ERAP2: variants seen among roughly 807,000 people sequenced by gnomAD.
ERAP2 encodes the protein endoplasmic reticulum aminopeptidase 2.
ERAP2 carries 118 observed loss-of-function variants against 111.1 expected under a neutral mutation model. The observed-to-expected ratio is 1.06, with a 90% CI of 0.92 to 1.24. The LOEUF (loss-of-function observed/expected upper bound fraction) is 1.24. ERAP2 is among the 50% of genes most tolerant of loss of function. The pLI is 0.00. For synonymous variants in ERAP2, 410 were observed against 401.2 expected, an observed-to-expected ratio of 1.02 and a Z score of -0.26; for missense variants, 1,131 against 1,125.8, an observed-to-expected ratio of 1.00 and a Z score of -0.07.
At chr5:96,905,787 G>GGCA (rs1392735817) in intron 13 of ERAP2, among the ~76,000 whole-genome samples, 1 of 152,114 alleles carries the variant, frequency 6.6e-6, no homozygotes, top group Non-Finnish European at 1.5e-5. Context: ...GGGTGGCTGA[G>GGCA]GCACATGAAT....
Position 96,901,508 on chromosome 5 carries a change from C to G in ERAP2, c.1575C>G (p.Leu525=), listed in dbSNP as rs148654710. The change falls in exon 11 of 19, where the codon CTC becomes CTG. Residue 525 remains leucine (L), a splice_region_variant and synonymous_variant. Transcript: ENST00000437043. ...HSDPKMTSNM[L]AFLGENAEVK... The stretch of plus-strand genomic sequence containing the variant: ...ATCATAGTCACCTGTCATTTCAGCT[C>G]GCCTTTCTGGGGGAAAATGCAGAGG... 1 of 1,612,878 alleles carries G rather than the reference C, an allele frequency of 6.2e-7. No homozygotes were observed. The highest frequency in any genetic ancestry group is 1.1e-5 in the South Asian group (1 of 90,920).
At chr5:96,887,141 T>C in intron 4 of ERAP2, among the ~76,000 whole-genome samples, 1 of 149,006 alleles carries the variant, frequency 6.7e-6, no homozygotes, top group East Asian at 2.0e-4. Flanking sequence ...ATATATACCC[T>C]TTGCAAAATA....
chr5:96,902,910 A>G (rs79488773), intron 12 of ERAP2: 5,923 of 154,814 alleles, frequency 0.038, 192 homozygotes, highest in Middle Eastern at 0.11. Flanking sequence ...ATTTTCTTCT[A>G]AACACTTTAA....
Position 96,883,800 on chromosome 5 carries a change from C to A in ERAP2, c.584C>A (p.Ala195Glu). Reference protein sequence around the residue: ...RTLGGETRILAVTDFEPTQAR... With the variant: ...RTLGGETRILEVTDFEPTQAR... ...GGTGGGTCTTTTCACAGAATTCTTG[C>A]AGTAACAGATTTTGAGCCAACCCAG... is the stretch of plus-strand genomic sequence containing the variant. The change falls in exon 3 of 19, where the codon GCA becomes GAA. Residue 195 changes from alanine (A) to glutamate (E), a missense_variant. Physicochemically the swap from Ala to Glu is moderately radical, Grantham distance 107. Transcript: ENST00000437043. 5 of 1,610,186 alleles carry A rather than the reference C, an allele frequency of 3.1e-6. No individual in the cohort carries two copies. The highest frequency in any genetic ancestry group is 3.4e-6 in the Non-Finnish European group (4 of 1,178,838).
intron 9 of ERAP2, among the ~76,000 whole-genome samples, 195 bp downstream of exon 9, chr5:96,897,058 C>T (rs1425444926): frequency 1.1e-5 from 1 of 93,768 alleles, no homozygotes; most frequent in Non-Finnish European, 2.4e-5. Context: ...GGGGTGGCCC[C>T]AGGGGCTCAC....
Position 96,886,115 on chromosome 5 carries a change from C to G in ERAP2, c.715-540C>G, listed in dbSNP as rs1043824875. On this transcript the variant is annotated intron_variant, in intron 3 of 18. Coordinates refer to ENST00000437043, the MANE Select transcript of ERAP2 (RefSeq NM_022350.5). ...TACCGTGGAACTAGCCATGTGATCT[C>G]CAACAATTCTGTGAACATTTCAGAG... Among the ~76,000 whole-genome samples, 7 of 152,212 alleles carry G rather than the reference C, an allele frequency of 4.6e-5. 1 individual carries two copies. Among genetic ancestry groups the G allele is most frequent in the Admixed American group, 3.9e-4 (6 of 15,274 alleles).
At chr5:96,884,555 TTTTG>T (rs60074846) in intron 3 of ERAP2, among the ~76,000 whole-genome samples, 1 of 151,156 alleles carries the variant, frequency 6.6e-6, no homozygotes, top group Non-Finnish European at 1.5e-5. Flanking sequence ...TATACAAGTT[TTTTG>T]TTTGTTTGTT....
Position 96,889,225 on chromosome 5 carries a change from A to T in ERAP2, c.890A>T (p.His297Leu). Residue 297 changes from histidine to leucine, a missense_variant, in exon 5 of 19, where the codon CAT (histidine) becomes CTT (leucine). His to Leu is a moderately conservative substitution (Grantham distance 99). This residue lies in a region of ERAP2 where 847 missense variants were observed against 856.5 expected (regional missense o/e 0.99). Coordinates refer to ENST00000437043, the MANE Select transcript of ERAP2 (RefSeq NM_022350.5). Reference sequence around the variant, plus strand: ...TCCCCAGACAAACGGAATCAAACACATTATGCTTTGCAGGCATCACTGAAG... The same window carrying T: ...TCCCCAGACAAACGGAATCAAACACTTTATGCTTTGCAGGCATCACTGAAG... ...YASPDKRNQT[H>L]YALQASLKLL... 1 of 1,614,154 alleles carries T rather than the reference A, an allele frequency of 6.2e-7. No individual in the cohort carries two copies. The highest frequency in any genetic ancestry group is 1.3e-5 in the African/African-American group (1 of 75,052).
At chr5:96,914,108 T>C (rs982783185) in intron 17 of ERAP2, among the ~76,000 whole-genome samples, 1 of 150,584 alleles carries the variant, frequency 6.6e-6, no homozygotes, top group Non-Finnish European at 1.5e-5. Flanking sequence ...GAATGGAATG[T>C]ATAAGACAGC....
At chr5:96,883,970 G>A (rs1403187129) in intron 3 of ERAP2, 40 bp downstream of exon 3, 1 of 1,536,168 alleles carries the variant, frequency 6.5e-7, no homozygotes, top group Non-Finnish European at 8.7e-7. Flanking sequence ...TTGTTCTCAA[G>A]TTGAGACTCA....
At chr5:96,912,209 A>G (rs35943000) in intron 15 of ERAP2, among the ~76,000 whole-genome samples, 1 of 150,928 alleles carries the variant, frequency 6.6e-6, no homozygotes, top group East Asian at 1.9e-4. Context: ...AAAAAAGAAA[A>G]GAAAAGAAAA....
intron 2 of ERAP2, 45 bp downstream of exon 2, chr5:96,880,305 C>G: frequency 6.6e-7 from 1 of 1,517,442 alleles, no homozygotes; most frequent in Non-Finnish European, 8.9e-7. Flanking sequence ...TGATAATTTC[C>G]TTACGAGTTA....
At chr5:96,879,076 G>A (rs1236759492) in intron 1 of ERAP2, among the ~76,000 whole-genome samples, 6 of 152,082 alleles carry the variant, frequency 3.9e-5, no homozygotes, top group African/African-American at 7.2e-5. Context: ...AAAGGTAGCC[G>A]AGTGTGGCGG....
In ERAP2 at chr5:96,883,791, G is replaced by C; in HGVS notation, c.576-1G>C. On this transcript the variant is annotated splice_acceptor_variant, in intron 2 of 18. Transcript: ENST00000437043. LOFTEE classifies it high-confidence loss of function. ...TTGGCTGGGGGTGGGTCTTTTCACAGAATTCTTGCAGTAACAGATTTTGAG... is the reference window on the plus strand; with the variant it reads ...TTGGCTGGGGGTGGGTCTTTTCACACAATTCTTGCAGTAACAGATTTTGAG... 6.2e-7 allele frequency: 1 copy of C among 1,609,708 alleles called. No individual in the cohort carries two copies. Among genetic ancestry groups the C allele is most frequent in the Non-Finnish European group, 8.5e-7 (1 of 1,178,470 alleles).
rs533089484 is a variant in ERAP2 at position 96,916,725 on chromosome 5, C to T, written c.2740-737C>T. Among the ~76,000 whole-genome samples the T allele has an allele frequency of 5.9e-3, 890 of 151,616 alleles. 16 individuals are homozygous for T. Among genetic ancestry groups the T allele is most frequent in the African/African-American group, 0.02 (837 of 41,318 alleles). Reference sequence around the variant, plus strand: ...CCTCGTGATCCACCCACTTTGGCCTCCCGAAGTGCTGGGATTACAGGCGTG... The same window carrying T: ...CCTCGTGATCCACCCACTTTGGCCTTCCGAAGTGCTGGGATTACAGGCGTG... On this transcript the variant is annotated intron_variant, in intron 18 of 18. Coordinates refer to ENST00000437043, the MANE Select transcript of ERAP2 (RefSeq NM_022350.5).
At position 96,879,861 on chromosome 5, in the gene ERAP2, G is replaced by A. The variant is rs375600819; in HGVS notation, c.176G>A (p.Gly59Glu). 6 of 1,614,010 alleles carry A rather than the reference G, an allele frequency of 3.7e-6. No homozygotes were observed. The African/African-American group carries it at 8.0e-5, about 22-fold the overall frequency. ...DPGAFPVATN[G>E]ERFPWQELRL... ...GGGGCTTTCCCAGTAGCCACTAATG[G>A]GGAACGATTTCCTTGGCAGGAGCTA... The change falls in exon 2 of 19, where the codon GGG (glycine) becomes GAG (glutamate). Residue 59 changes from glycine to glutamate, a missense_variant. This residue lies in a region of ERAP2 where 847 missense variants were observed against 856.5 expected (regional missense o/e 0.99). Coordinates refer to ENST00000437043, the MANE Select transcript of ERAP2 (RefSeq NM_022350.5).
chr5:96,905,253 G>A (rs1785928487), intron 13 of ERAP2, among the ~76,000 whole-genome samples: 1 of 152,138 alleles, frequency 6.6e-6, no homozygotes, highest in Non-Finnish European at 1.5e-5. Flanking sequence ...ATGTAAGTCT[G>A]TGTATTATTA....
intron 17 of ERAP2, 112 bp downstream of exon 17, chr5:96,913,569 C>A: frequency 2.3e-6 from 3 of 1,278,378 alleles, no homozygotes; most frequent in Non-Finnish European, 3.3e-6. Context: ...CATTTGTATC[C>A]AAATAGTTCA....
upstream of ERAP2, chr5:96,876,463 TAGAAC>T (rs1284855737): frequency 3.9e-5 from 6 of 152,476 alleles, no homozygotes; most frequent in African/African-American, 1.4e-4. Context: ...TTCTGAATCT[TAGAAC>T]AGAAAGTGAA....
Sources: allele counts gnomAD v4.1 joint callset (sites outside exome capture counted in the v4.1 genomes callset), GRCh38; gene constraint gnomAD v4.1.1; regional missense constraint gnomAD v4.1.1; transcripts MANE v1.5; gene names NCBI Gene and HGNC (gene_info 2026-07-23, HGNC 2026-07-21).